AHCYL2: variants seen among roughly 807,000 people sequenced by gnomAD.
AHCYL2 encodes adenosylhomocysteinase like 2, also known as S-adenosylhomocysteine hydrolase-like protein 2.
A neutral mutation model predicts 81.4 loss-of-function variants in AHCYL2; 28 were observed. The observed-to-expected ratio is 0.34, with a 90% confidence interval of 0.25 to 0.47. The LOEUF (loss-of-function observed/expected upper bound fraction) is 0.47, where lower values mean the gene tolerates loss of function less well. AHCYL2 is among the 20% of genes least tolerant of loss of function. The pLI is 1.00. For missense variants in AHCYL2, 551 were observed against 785.1 expected, an observed-to-expected ratio of 0.70 and a Z score of 3.56; for synonymous variants, 272 against 290.2, an observed-to-expected ratio of 0.94 and a Z score of 0.64.
chr7:129,356,458 T>TTG (rs1793738853), intron 1 of AHCYL2, among the ~76,000 whole-genome samples: 1 of 152,196 alleles, frequency 6.6e-6, no homozygotes, highest in African/African-American at 2.4e-5. Context: ...TCATAATTCA[T>TTG]TGTGTGTGTA....
At chr7:129,273,526 C>G (rs1262074864) in intron 1 of AHCYL2, among the ~76,000 whole-genome samples, 1 of 151,528 alleles carries the variant, frequency 6.6e-6, no homozygotes, top group Non-Finnish European at 1.5e-5. Context: ...CGAGGTTTCT[C>G]CATGATGGTC....
chr7:129,230,722 G>A (rs186652892), intron 1 of AHCYL2, among the ~76,000 whole-genome samples: 20 of 151,746 alleles, frequency 1.3e-4, no homozygotes, highest in African/African-American at 3.6e-4. Context: ...ACAGGTGCAC[G>A]CCACCACGCC....
At chr7:129,265,699 C>T (rs1380023500) in intron 1 of AHCYL2, among the ~76,000 whole-genome samples, 2 of 152,088 alleles carry the variant, frequency 1.3e-5, no homozygotes, top group Non-Finnish European at 2.9e-5. Context: ...TTAACTTTTG[C>T]TTTAAATGAG....
intron 1 of AHCYL2, among the ~76,000 whole-genome samples, chr7:129,225,928 C>T (rs113686059): frequency 0.011 from 1,643 of 151,852 alleles, 38 homozygotes; most frequent in African/African-American, 0.038. Context: ...CAGTTGATGA[C>T]TTTCTGCCTT....
At chr7:129,319,257 A>G (rs930777371) in intron 1 of AHCYL2, among the ~76,000 whole-genome samples, 2 of 152,110 alleles carry the variant, frequency 1.3e-5, no homozygotes, top group Admixed American at 6.6e-5. Flanking sequence ...GGAGTTCAAG[A>G]CCAACCTGGG....
chr7:129,251,643 G>A (rs944957362), intron 1 of AHCYL2, among the ~76,000 whole-genome samples: 3 of 152,104 alleles, frequency 2.0e-5, no homozygotes, highest in Admixed American at 6.6e-5. Flanking sequence ...ACAGGTGTGC[G>A]CCACTGTGCC....
chr7:129,228,443 C>A (rs1323025960), intron 1 of AHCYL2, among the ~76,000 whole-genome samples: 1 of 152,190 alleles, frequency 6.6e-6, no homozygotes, highest in Non-Finnish European at 1.5e-5. Context: ...ACTTGCGATG[C>A]TCTGGGGGCC....
At chr7:129,284,233 T>G (rs1450146322) in intron 1 of AHCYL2, among the ~76,000 whole-genome samples, 1 of 152,130 alleles carries the variant, frequency 6.6e-6, no homozygotes, top group Admixed American at 6.5e-5. Context: ...AAGGGATTTG[T>G]TAGTCTTCTC....
intron 1 of AHCYL2, among the ~76,000 whole-genome samples, chr7:129,299,376 T>G (rs1188169126): frequency 2.6e-4 from 6 of 23,006 alleles, no homozygotes; most frequent in South Asian, 1.6e-3. Flanking sequence ...CTTGTTTTTT[T>G]TTTTTTTTTT....
chr7:129,314,486 C>T (rs1584773880), intron 1 of AHCYL2, among the ~76,000 whole-genome samples: 1 of 152,144 alleles, frequency 6.6e-6, no homozygotes, highest in East Asian at 1.9e-4. Flanking sequence ...TTCTGGAGAC[C>T]AGGAAGTTCA....
chr7:129,349,849 A>T (rs1793495443), intron 1 of AHCYL2, among the ~76,000 whole-genome samples: 3 of 152,080 alleles, frequency 2.0e-5, no homozygotes, highest in Non-Finnish European at 4.4e-5. Flanking sequence ...AAAAGGGGAG[A>T]ATAGTAGAAC....
chr7:129,305,645 A>G (rs1329974822), intron 1 of AHCYL2, among the ~76,000 whole-genome samples: 1 of 152,186 alleles, frequency 6.6e-6, no homozygotes, highest in Non-Finnish European at 1.5e-5. Context: ...CCTAAGTTCA[A>G]AAACACTTGA....
At chr7:129,295,025 T>G (rs1002417896) in intron 1 of AHCYL2, among the ~76,000 whole-genome samples, 1 of 152,234 alleles carries the variant, frequency 6.6e-6, no homozygotes, top group African/African-American at 2.4e-5. Flanking sequence ...GTACCATTCT[T>G]TTAACCAAGA....
chr7:129,315,003 A>G (rs907514413), intron 1 of AHCYL2, among the ~76,000 whole-genome samples: 1 of 152,158 alleles, frequency 6.6e-6, no homozygotes, highest in African/African-American at 2.4e-5. Context: ...TATGGTAACC[A>G]TTAAGTGAGT....
intron 12 of AHCYL2, among the ~76,000 whole-genome samples, chr7:129,416,445 T>C (rs1156674581): frequency 6.6e-6 from 1 of 152,146 alleles, no homozygotes; most frequent in Non-Finnish European, 1.5e-5. Flanking sequence ...AAGTAGAGCA[T>C]GGTGGGAGAA....
chr7:129,348,340 A>G (rs1277694159), intron 1 of AHCYL2, among the ~76,000 whole-genome samples: 2 of 152,104 alleles, frequency 1.3e-5, no homozygotes, highest in Admixed American at 6.6e-5. Flanking sequence ...GGAAAACTGG[A>G]TGCAGAACTA....
rs144566941 is a variant in AHCYL2, at chr7:129,234,325, A to T, written c.363+8886A>T. On this transcript the variant is annotated intron_variant, in intron 1 of 16. Transcript: ENST00000325006. ...AGTGGCACTATCTCGGCTCACTGCAACCTCCGCCTCGTGAGTTCAAGCAAT... is the reference window on the plus strand; with the variant it reads ...AGTGGCACTATCTCGGCTCACTGCATCCTCCGCCTCGTGAGTTCAAGCAAT... Among the ~76,000 whole-genome samples, 394 of 151,856 alleles carry T rather than the reference A, an allele frequency of 2.6e-3. 3 individuals are homozygous for T. The highest frequency in any genetic ancestry group is 8.9e-3 in the African/African-American group (370 of 41,400).
chr7:129,302,541 T>C (rs1292816745), intron 1 of AHCYL2, among the ~76,000 whole-genome samples: 1 of 152,176 alleles, frequency 6.6e-6, no homozygotes, highest in Non-Finnish European at 1.5e-5. Context: ...TCTTCTATAC[T>C]CAGTTATTTT....
intron 10 of AHCYL2, among the ~76,000 whole-genome samples, chr7:129,407,017 A>G (rs1001333470): frequency 1.3e-5 from 2 of 152,332 alleles, no homozygotes; most frequent in Admixed American, 1.3e-4. Context: ...GTGTGTAATC[A>G]TACCTACCTC....
Sources: gnomAD v4.1 joint callset for allele counts (sites outside exome capture counted in the v4.1 genomes callset) on GRCh38, gnomAD v4.1.1 for gene constraint, MANE v1.5 for transcripts, NCBI Gene and HGNC (gene_info 2026-07-23, HGNC 2026-07-21) for gene names.